Variants in ARK2N observed in about 807,000 individuals in gnomAD.
ARK2N encodes the protein arkadia (RNF111) N-terminal like PKA signaling regulator 2N.
the ARK2N span, among the ~76,000 whole-genome samples, chr18:46,199,478 G>C: frequency 7.8e-6 from 1 of 127,890 alleles, no homozygotes; most frequent in Admixed American, 8.9e-5. Context: ...ACCACACCCA[G>C]CTCATTTTTT....
At chr18:46,219,598 T>C in the ARK2N span, among the ~76,000 whole-genome samples, 3 of 152,150 alleles carry the variant, frequency 2.0e-5, no homozygotes, top group East Asian at 1.9e-4. Flanking sequence ...GCCTCCCAAG[T>C]AGCTGTGACT....
At chr18:46,230,021 G>A in the ARK2N span, among the ~76,000 whole-genome samples, 1 of 152,150 alleles carries the variant, frequency 6.6e-6, no homozygotes, top group African/African-American at 2.4e-5. Flanking sequence ...CACTTCCTGG[G>A]TTCAAGCGAT....
chr18:46,228,715 A>T, the ARK2N span: 5 of 398,050 alleles, frequency 1.3e-5, no homozygotes, highest in Non-Finnish European at 2.2e-5. Flanking sequence ...CCTCCCAAAT[A>T]GGTGGGACTA....
the ARK2N span, among the ~76,000 whole-genome samples, chr18:46,181,371 A>G: frequency 6.6e-6 from 1 of 152,176 alleles, no homozygotes; most frequent in Non-Finnish European, 1.5e-5. Context: ...TCAGAGAGAA[A>G]CAACATTAAA....
the ARK2N span, among the ~76,000 whole-genome samples, chr18:46,186,498 A>ATTT: frequency 1.3e-3 from 103 of 81,870 alleles, no homozygotes; most frequent in African/African-American, 3.0e-3. Flanking sequence ...CCAACTGGTG[A>ATTT]TTTTTTTTTT....
chr18:46,206,126 C>T, the ARK2N span, among the ~76,000 whole-genome samples: 2 of 150,490 alleles, frequency 1.3e-5, no homozygotes, highest in African/African-American at 4.9e-5. Context: ...TGCTCTGTCT[C>T]CTAGGCTGGA....
chr18:46,176,049 T>C, the ARK2N span, among the ~76,000 whole-genome samples: 1 of 152,242 alleles, frequency 6.6e-6, no homozygotes, highest in Non-Finnish European at 1.5e-5. Context: ...GGTTCTAATT[T>C]AATGCAGTTC....
chr18:46,174,625 C>T, the ARK2N span, among the ~76,000 whole-genome samples: 1 of 152,182 alleles, frequency 6.6e-6, no homozygotes, highest in African/African-American at 2.4e-5. Flanking sequence ...CTCCAAGCCC[C>T]CAGACGCTGG....
chr18:46,245,327 G>A, the ARK2N span, among the ~76,000 whole-genome samples: 1 of 151,950 alleles, frequency 6.6e-6, no homozygotes, highest in Non-Finnish European at 1.5e-5. Context: ...TGGCATTTTG[G>A]GAGTCCGAGG....
At chr18:46,228,370 A>G in the ARK2N span, among the ~76,000 whole-genome samples, 1 of 151,912 alleles carries the variant, frequency 6.6e-6, no homozygotes, top group Non-Finnish European at 1.5e-5. Flanking sequence ...TTGTTTTATG[A>G]TACGATAATT....
chr18:46,188,500 C>T, the ARK2N span, among the ~76,000 whole-genome samples: 1 of 152,002 alleles, frequency 6.6e-6, no homozygotes, highest in Non-Finnish European at 1.5e-5. Flanking sequence ...CGACATGTGG[C>T]GGCCCAGCTT....
At chr18:46,205,541 C>T in the ARK2N span, among the ~76,000 whole-genome samples, 11 of 152,238 alleles carry the variant, frequency 7.2e-5, no homozygotes, top group East Asian at 2.1e-3. Context: ...CTTGCCTATC[C>T]GTTTATATAT....
At chr18:46,223,327 C>T in the ARK2N span, among the ~76,000 whole-genome samples, 1 of 152,012 alleles carries the variant, frequency 6.6e-6, no homozygotes, top group Non-Finnish European at 1.5e-5. Flanking sequence ...AAAGTGAAAA[C>T]AGCATAGGGG....
At chr18:46,197,357 C>A in the ARK2N span, among the ~76,000 whole-genome samples, 3 of 152,046 alleles carry the variant, frequency 2.0e-5, no homozygotes, top group Non-Finnish European at 4.4e-5. Flanking sequence ...GCCTTAGCCT[C>A]CCTAGTAGCT....
the ARK2N span, among the ~76,000 whole-genome samples, chr18:46,212,744 AT>A: frequency 9.9e-5 from 15 of 151,146 alleles, no homozygotes; most frequent in Non-Finnish European, 1.6e-4. Flanking sequence ...CCATATTGTC[AT>A]TTTTTTTTAA....
the ARK2N span, among the ~76,000 whole-genome samples, chr18:46,247,862 G>A: frequency 5.9e-5 from 9 of 152,200 alleles, no homozygotes; most frequent in South Asian, 1.2e-3. Context: ...AGTAGAGACC[G>A]GGTTTTGCCA....
At chr18:46,236,126 A>G in the ARK2N span, among the ~76,000 whole-genome samples, 1 of 152,218 alleles carries the variant, frequency 6.6e-6, no homozygotes, top group Non-Finnish European at 1.5e-5. Context: ...GATGTTTTTA[A>G]ATAAAAAGTA....
the ARK2N span, among the ~76,000 whole-genome samples, chr18:46,184,981 T>C: frequency 4.0e-4 from 61 of 152,348 alleles, no homozygotes; most frequent in African/African-American, 1.3e-3. Flanking sequence ...TACTAGGCTA[T>C]TAGCAGTTGA....
At chr18:46,263,153 T>G in the ARK2N span, 8 of 1,533,628 alleles carry the variant, frequency 5.2e-6, no homozygotes, top group South Asian at 8.3e-5. Flanking sequence ...CACTGTTCCC[T>G]TCCACTTCCT....
Sources: allele counts gnomAD v4.1 joint callset (sites outside exome capture counted in the v4.1 genomes callset), GRCh38; gene constraint gnomAD v4.1.1; transcripts MANE v1.5; gene names NCBI Gene and HGNC (gene_info 2026-07-23, HGNC 2026-07-21).